The following ATP2B2 variants were observed in gnomAD, a reference collection of about 807,000 sequenced individuals.
ATP2B2 encodes the protein plasma membrane calcium-transporting ATPase 2.
A neutral mutation model predicts 120.0 loss-of-function variants in ATP2B2; 15 were observed. The observed-to-expected ratio is 0.12, with a 90% CI of 0.08 to 0.19. The LOEUF (loss-of-function observed/expected upper bound fraction) is 0.19, where lower values mean the gene tolerates loss of function less well. Ranked by LOEUF, ATP2B2 falls within the 10% of genes least tolerant of loss-of-function variation. The pLI, the probability that ATP2B2 is intolerant of heterozygous loss-of-function variation, is 1.00. For synonymous variants in ATP2B2, 694 were observed against 700.3 expected, an observed-to-expected ratio of 0.99 and a Z score of 0.14; for missense variants, 1,045 against 1,719.8, an observed-to-expected ratio of 0.61 and a Z score of 6.94.
At chr3:10,515,662 T>C (rs2066862974) in intron 3 of ATP2B2, among the ~76,000 whole-genome samples, 1 of 152,138 alleles carries the variant, frequency 6.6e-6, no homozygotes, top group Non-Finnish European at 1.5e-5. Context: ...GGCTCTGAGT[T>C]CACACAGGCC....
intron 2 of ATP2B2, among the ~76,000 whole-genome samples, chr3:10,559,971 G>A (rs2067866788): frequency 6.6e-6 from 1 of 152,156 alleles, no homozygotes; most frequent in South Asian, 2.1e-4. Flanking sequence ...AAGTTGCTCC[G>A]ATTTTAAGGA....
chr3:10,585,508 A>AAAAAAAAC (rs2068489438), intron 2 of ATP2B2, among the ~76,000 whole-genome samples: 1 of 149,598 alleles, frequency 6.7e-6, no homozygotes, highest in African/African-American at 2.5e-5. Flanking sequence ...AAAAAAAAAA[A>AAAAAAAAC]AAAAAAAAAG....
intron 1 of ATP2B2, among the ~76,000 whole-genome samples, chr3:10,483,906 G>A (rs887568693): frequency 2.0e-5 from 3 of 149,060 alleles, no homozygotes; most frequent in African/African-American, 5.0e-5. Flanking sequence ...GGCACCCAGA[G>A]GCCCAGGGAT....
Position 10,326,370 on chromosome 3 carries a change from G to T in ATP2B2, c.*2444C>A. The T allele has an allele frequency of 4.7e-6, 1 of 214,522 alleles. No homozygotes were observed. The highest frequency in any genetic ancestry group is 9.2e-6 in the Non-Finnish European group (1 of 108,918). 13.3% of individuals were successfully genotyped at this position (214,522 alleles called of 1,614,324 possible). On this transcript the variant is annotated 3_prime_UTR_variant, in exon 23 of 23. Transcript: ENST00000360273. ...ACGCTAATGTTGGCATTCTTCCATC[G>T]CTCCCTGTTCCCTAAGCCAGGCTCC...
chr3:10,583,194 G>A (rs2068431099), intron 2 of ATP2B2, among the ~76,000 whole-genome samples: 1 of 152,206 alleles, frequency 6.6e-6, no homozygotes, highest in Non-Finnish European at 1.5e-5. Context: ...AAGAGGCTGT[G>A]ATATCTTGGC....
chr3:10,363,413 C>A (rs1245323491), intron 12 of ATP2B2, among the ~76,000 whole-genome samples: 1 of 152,204 alleles, frequency 6.6e-6, no homozygotes, highest in African/African-American at 2.4e-5. Flanking sequence ...GCACTTGCTC[C>A]TAGTCAGGGA....
In ATP2B2 at chr3:10,512,464, G is replaced by GCGCGCGCGCGCACACACA. The variant is rs749056818; in HGVS notation, c.-320+21574_-320+21575insTGTGTGTGCGCGCGCGCG. On this transcript the variant is annotated intron_variant, in intron 3 of 21. Coordinates refer to the ATP2B2 transcript ENST00000646379. ...TATTCCTGGGTGCTAAAGTGTGTGC[G>GCGCGCGCGCGCACACACA]CACACACACACACACACACACACAC... Among the ~76,000 whole-genome samples, 37 of 137,018 alleles carry GCGCGCGCGCGCACACACA rather than the reference G, an allele frequency of 2.7e-4. No homozygotes were observed. The East Asian group carries it at 6.5e-3, about 24-fold the overall frequency. 89.9% of individuals were successfully genotyped at this position (137,018 alleles called of 152,430 possible).
intron 11 of ATP2B2, 104 bp from the exon 12 acceptor site, chr3:10,372,155 C>T (rs2061261960): frequency 1.3e-6 from 2 of 1,488,082 alleles, no homozygotes; most frequent in Non-Finnish European, 1.9e-6. Context: ...GGCAGAGCCA[C>T]CACAGCCTGC....
At chr3:10,461,228 C>T (rs931403602) in intron 1 of ATP2B2, among the ~76,000 whole-genome samples, 1 of 152,216 alleles carries the variant, frequency 6.6e-6, no homozygotes, top group African/African-American at 2.4e-5. Flanking sequence ...TGGCCAGACA[C>T]TGTTCTACTT....
intron 1 of ATP2B2, among the ~76,000 whole-genome samples, chr3:10,692,600 C>T (rs1283214445): frequency 6.6e-6 from 1 of 152,168 alleles, no homozygotes; most frequent in Non-Finnish European, 1.5e-5. Context: ...TTATGATCCT[C>T]TGATGGGAAC....
intron 1 of ATP2B2, among the ~76,000 whole-genome samples, chr3:10,695,421 G>C (rs1055747436): frequency 1.3e-5 from 2 of 152,020 alleles, no homozygotes; most frequent in African/African-American, 4.8e-5. Context: ...ACAACACATG[G>C]GAGTTCAAAA....
At chr3:10,362,664 C>T (rs967282908) in intron 12 of ATP2B2, among the ~76,000 whole-genome samples, 1 of 152,258 alleles carries the variant, frequency 6.6e-6, no homozygotes, top group East Asian at 1.9e-4. Flanking sequence ...AGCACCTCCC[C>T]GGCTCCCATG....
At chr3:10,617,658 G>C (rs1478397463) in intron 2 of ATP2B2, among the ~76,000 whole-genome samples, 1 of 152,242 alleles carries the variant, frequency 6.6e-6, no homozygotes, top group Non-Finnish European at 1.5e-5. Context: ...CAAAGACCAA[G>C]GGCTTAGCCG....
At chr3:10,657,628 G>A (rs879049196) in intron 1 of ATP2B2, among the ~76,000 whole-genome samples, 2 of 152,232 alleles carry the variant, frequency 1.3e-5, no homozygotes, top group Non-Finnish European at 2.9e-5. Flanking sequence ...GCCCACCGCA[G>A]CTCAAGGAGG....
chr3:10,619,465 C>G (rs562152287), intron 2 of ATP2B2, among the ~76,000 whole-genome samples: 5 of 152,312 alleles, frequency 3.3e-5, no homozygotes, highest in African/African-American at 1.2e-4. Context: ...TTAAAAGATA[C>G]TGACGTGTAA....
intron 3 of ATP2B2, among the ~76,000 whole-genome samples, chr3:10,531,629 T>C (rs1306825907): frequency 6.6e-6 from 1 of 152,124 alleles, no homozygotes; most frequent in Non-Finnish European, 1.5e-5. Flanking sequence ...CCAACATGGG[T>C]TGTATGTGTG....
chr3:10,507,932 G>C (rs999421231), upstream of ATP2B2, among the ~76,000 whole-genome samples: 1 of 116,592 alleles, frequency 8.6e-6, no homozygotes, highest in Non-Finnish European at 2.0e-5. Flanking sequence ...GCCTGCATGC[G>C]CAGGCCATCA....
At position 10,589,023 on chromosome 3, in the gene ATP2B2, G is replaced by A. The variant is rs570270535; in HGVS notation, c.-415+30894C>T. On this transcript the variant is annotated intron_variant, in intron 2 of 21. Transcript: ENST00000646379. Reference sequence around the variant, plus strand: ...TTTTAAGGGCATAAACTGGGCGGGCGGCAAGAAGGGGACAAAGTTCACACA... The same window carrying A: ...TTTTAAGGGCATAAACTGGGCGGGCAGCAAGAAGGGGACAAAGTTCACACA... 3.2e-4 allele frequency among the ~76,000 whole-genome samples: 49 copies of A among 152,238 alleles called. 1 individual carries two copies. In the South Asian group the frequency reaches 5.0e-3, roughly 15 times the overall value.
At chr3:10,594,175 T>C (rs2068708445) in intron 2 of ATP2B2, among the ~76,000 whole-genome samples, 1 of 152,214 alleles carries the variant, frequency 6.6e-6, no homozygotes, top group African/African-American at 2.4e-5. Context: ...CTCAGGGATC[T>C]AGAACTAGAA....
Sources: allele counts gnomAD v4.1 joint callset (sites outside exome capture counted in the v4.1 genomes callset), GRCh38; gene constraint gnomAD v4.1.1; transcripts MANE v1.5; gene names NCBI Gene and HGNC (gene_info 2026-07-23, HGNC 2026-07-21).